Variants in MDGA2 observed in about 807,000 individuals in gnomAD.
The protein encoded by MDGA2 is MAM domain-containing glycosylphosphatidylinositol anchor protein 2.
MDGA2 carries 40 observed loss-of-function variants against 117.8 expected under a neutral mutation model. That is an observed-to-expected ratio of 0.34 (90% CI 0.26 to 0.44). MDGA2 has a LOEUF of 0.44. MDGA2 is among the 20% of genes least tolerant of loss of function. The pLI is 1.00. For synonymous variants in MDGA2, 452 were observed against 439.0 expected (o/e 1.03, Z -0.37); for missense variants, 1,123 against 1,250.6 (o/e 0.90, Z 1.54).
intron 1 of MDGA2, among the ~76,000 whole-genome samples, chr14:47,480,477 A>C (rs904612341): frequency 2.6e-5 from 4 of 152,048 alleles, no homozygotes; most frequent in Non-Finnish European, 4.4e-5. Context: ...TGCTTTTATG[A>C]CTTGGCAAAA....
At chr14:47,299,264 A>G (rs1889194594) in intron 2 of MDGA2, 1 of 152,196 alleles carries the variant, frequency 6.6e-6, no homozygotes, top group South Asian at 2.1e-4. Flanking sequence ...AAAATGGGAA[A>G]TTTCTAATAT....
intron 5 of MDGA2, among the ~76,000 whole-genome samples, chr14:47,102,569 AG>A (rs1455127950): frequency 7.2e-5 from 11 of 152,098 alleles, no homozygotes; most frequent in Non-Finnish European, 1.6e-4. Flanking sequence ...GGGCAAAACA[AG>A]GAAGGAAGAA....
intron 9 of MDGA2, among the ~76,000 whole-genome samples, chr14:46,951,504 G>C (rs895312685): frequency 1.3e-5 from 2 of 151,940 alleles, no homozygotes; most frequent in South Asian, 4.1e-4. Context: ...TAGCAGACTG[G>C]AGCTAGAGAT....
At chr14:47,491,777 C>T (rs187114953) in intron 1 of MDGA2, among the ~76,000 whole-genome samples, 14 of 147,888 alleles carry the variant, frequency 9.5e-5, no homozygotes, top group Admixed American at 6.9e-4. Flanking sequence ...GTGTACGCCA[C>T]GGTAGTTATG....
At chr14:47,065,355 A>C (rs1890043195) in intron 6 of MDGA2, among the ~76,000 whole-genome samples, 2 of 152,168 alleles carry the variant, frequency 1.3e-5, no homozygotes, top group African/African-American at 4.8e-5. Context: ...CAAGTATTGA[A>C]ACAGAGGCTA....
At chr14:47,503,166 T>C (rs1319106096) in intron 1 of MDGA2, among the ~76,000 whole-genome samples, 2 of 152,186 alleles carry the variant, frequency 1.3e-5, no homozygotes, top group African/African-American at 4.8e-5. Flanking sequence ...ACCATTTTAC[T>C]TTTTTAAAAA....
At chr14:46,923,100 TGTGA>T (rs1362870222) in intron 9 of MDGA2, among the ~76,000 whole-genome samples, 3 of 152,196 alleles carry the variant, frequency 2.0e-5, no homozygotes, top group Non-Finnish European at 2.9e-5. Flanking sequence ...CTCATGATCT[TGTGA>T]GTAATATGAA....
At chr14:47,053,246 T>C (rs1268787059) in intron 7 of MDGA2, among the ~76,000 whole-genome samples, 1 of 151,928 alleles carries the variant, frequency 6.6e-6, no homozygotes, top group African/African-American at 2.4e-5. Flanking sequence ...GTAATAGCTT[T>C]GCTTCTTATT....
chr14:47,411,810 C>T (rs572043051), intron 1 of MDGA2, among the ~76,000 whole-genome samples: 4 of 152,262 alleles, frequency 2.6e-5, no homozygotes, highest in African/African-American at 9.6e-5. Flanking sequence ...GCATCCGTTC[C>T]TATATTGGAA....
At chr14:47,347,749 T>C (rs1046312603) in intron 1 of MDGA2, among the ~76,000 whole-genome samples, 5 of 152,008 alleles carry the variant, frequency 3.3e-5, no homozygotes, top group East Asian at 1.9e-4. Flanking sequence ...CCAATGTAAG[T>C]GTAGGAAGCA....
At chr14:47,617,844 G>A (rs1896974852) in intron 1 of MDGA2, among the ~76,000 whole-genome samples, 1 of 152,096 alleles carries the variant, frequency 6.6e-6, no homozygotes, top group African/African-American at 2.4e-5. Flanking sequence ...ATTGGGGAAT[G>A]GTGGGTAAAT....
chr14:47,085,569 T>C (rs1890866308), intron 6 of MDGA2, among the ~76,000 whole-genome samples: 1 of 152,000 alleles, frequency 6.6e-6, no homozygotes, highest in Admixed American at 6.6e-5. Context: ...ATATTGGCCA[T>C]CATCTGATTA....
At chr14:47,283,391 G>C (rs1322372194) in intron 2 of MDGA2, among the ~76,000 whole-genome samples, 1 of 152,158 alleles carries the variant, frequency 6.6e-6, no homozygotes, top group Non-Finnish European at 1.5e-5. Context: ...GCTATTTAAT[G>C]CAATAAAATT....
chr14:47,066,025 G>A (rs1249839568), intron 6 of MDGA2, among the ~76,000 whole-genome samples: 2 of 152,142 alleles, frequency 1.3e-5, no homozygotes, highest in Non-Finnish European at 2.9e-5. Context: ...ATCTATGTGT[G>A]AAAGATGAAG....
chr14:47,298,724 G>T (rs1167763544), intron 2 of MDGA2, among the ~76,000 whole-genome samples: 2 of 134,556 alleles, frequency 1.5e-5, no homozygotes, highest in Non-Finnish European at 3.1e-5. Flanking sequence ...TCGTTCTGTC[G>T]CCCAGGCTGG....
At chr14:47,112,157 A>G (rs1342462438) in intron 5 of MDGA2, among the ~76,000 whole-genome samples, 5 of 105,780 alleles carry the variant, frequency 4.7e-5, no homozygotes. Context: ...AAAGAAAGAT[A>G]AAAGAAATGG....
At chr14:47,079,727 ATTT>A (rs35801678) in intron 6 of MDGA2, among the ~76,000 whole-genome samples, 21 of 80,072 alleles carry the variant, frequency 2.6e-4, no homozygotes, top group East Asian at 2.1e-3. Flanking sequence ...TTTTCTACTA[ATTT>A]TTTTTTTTTT....
At chr14:47,175,121 G>C (rs1884375329) in intron 3 of MDGA2, among the ~76,000 whole-genome samples, 1 of 151,548 alleles carries the variant, frequency 6.6e-6, no homozygotes, top group African/African-American at 2.4e-5. Flanking sequence ...TCTCTGAATA[G>C]ACCAATAACA....
chr14:47,306,318 G>A (rs1218028854), intron 1 of MDGA2, among the ~76,000 whole-genome samples: 1 of 152,202 alleles, frequency 6.6e-6, no homozygotes, highest in Admixed American at 6.5e-5. Flanking sequence ...TGATCGCCAT[G>A]GAACTCACAT....
Sources: allele counts gnomAD v4.1 joint callset (sites outside exome capture counted in the v4.1 genomes callset), GRCh38; gene constraint gnomAD v4.1.1; transcripts MANE v1.5; gene names NCBI Gene and HGNC (gene_info 2026-07-23, HGNC 2026-07-21).